Variants in MAPK10 observed in about 807,000 individuals in gnomAD.
The protein encoded by MAPK10 is mitogen-activated protein kinase 10.
Under a neutral mutation model 59.3 loss-of-function variants are expected in MAPK10, and 25 were observed. The observed-to-expected ratio is 0.42, with a 90% confidence interval of 0.31 to 0.59. MAPK10 has a LOEUF of 0.59. MAPK10 is among the 20% of genes least tolerant of loss of function. MAPK10 has a pLI of 0.15. For synonymous variants in MAPK10, 190 were observed against 200.5 expected (o/e 0.95, Z 0.44); for missense variants, 351 against 568.9 (o/e 0.62, Z 3.90).
chr4:86,576,830 C>G (rs1761939315), intron 1 of MAPK10, among the ~76,000 whole-genome samples: 1 of 151,530 alleles, frequency 6.6e-6, no homozygotes. Flanking sequence ...TGTCTGAACA[C>G]TAGACGAAGG....
chr4:86,548,389 C>T (rs978117341), intron 1 of MAPK10, among the ~76,000 whole-genome samples: 2 of 152,192 alleles, frequency 1.3e-5, no homozygotes, highest in African/African-American at 4.8e-5. Flanking sequence ...CCACGAGGGT[C>T]CACAGCTTCA....
At chr4:86,412,360 A>G (rs533115038) in intron 1 of MAPK10, among the ~76,000 whole-genome samples, 1 of 152,048 alleles carries the variant, frequency 6.6e-6, no homozygotes, top group Non-Finnish European at 1.5e-5. Flanking sequence ...ACGTTGGTGA[A>G]TCTGATGATT....
intron 1 of MAPK10, among the ~76,000 whole-genome samples, chr4:86,462,370 G>A (rs1369259591): frequency 6.6e-6 from 1 of 152,226 alleles, no homozygotes; most frequent in East Asian, 1.9e-4. Context: ...TCCTGATTGT[G>A]CTGTATGTGG....
At chr4:86,414,738 T>G (rs1458389465) in intron 1 of MAPK10, among the ~76,000 whole-genome samples, 1 of 152,168 alleles carries the variant, frequency 6.6e-6, no homozygotes, top group Non-Finnish European at 1.5e-5. Flanking sequence ...AGATATCTTT[T>G]GCTTTTAAGT....
At chr4:86,471,623 T>A (rs1752671082) in intron 1 of MAPK10, among the ~76,000 whole-genome samples, 1 of 152,234 alleles carries the variant, frequency 6.6e-6, no homozygotes, top group African/African-American at 2.4e-5. Context: ...ATCACTGTTG[T>A]TATGTATACC....
intron 9 of MAPK10, among the ~76,000 whole-genome samples, chr4:86,088,006 G>GT (rs1401360282): frequency 2.0e-5 from 3 of 152,092 alleles, no homozygotes; most frequent in African/African-American, 7.2e-5. Flanking sequence ...TTTTTGAAGT[G>GT]TTTTATTAAA....
At chr4:86,030,582 C>T (rs1426994185) in intron 12 of MAPK10, among the ~76,000 whole-genome samples, 4 of 152,144 alleles carry the variant, frequency 2.6e-5, no homozygotes, top group African/African-American at 4.8e-5. Flanking sequence ...ATCCCCCAGC[C>T]TCAGCCTCCC....
chr4:86,330,154 A>C (rs2096120278), intron 2 of MAPK10, among the ~76,000 whole-genome samples: 1 of 152,168 alleles, frequency 6.6e-6, no homozygotes, highest in African/African-American at 2.4e-5. Context: ...CAGAATAATC[A>C]ATGTCTTTCC....
intron 2 of MAPK10, among the ~76,000 whole-genome samples, chr4:86,217,064 T>C (rs993722778): frequency 6.6e-6 from 1 of 152,118 alleles, no homozygotes; most frequent in African/African-American, 2.4e-5. Flanking sequence ...CTTTCAAAAT[T>C]TATACATCTC....
intron 11 of MAPK10, among the ~76,000 whole-genome samples, chr4:86,053,701 T>C (rs1323820601): frequency 6.6e-6 from 1 of 152,204 alleles, no homozygotes; most frequent in Admixed American, 6.5e-5. Context: ...CCACAGTTTA[T>C]GGATTACATC....
rs1365805948 is a variant in MAPK10, at chr4:86,075,059, A to T, written c.803-7104T>A. Among the ~76,000 whole-genome samples the T allele has an allele frequency of 2.0e-5, 3 of 149,348 alleles. No individual in the cohort carries two copies. The South Asian group carries it at 6.4e-4, about 32-fold the overall frequency. On this transcript the variant is annotated intron_variant, in intron 9 of 13. Transcript: ENST00000641462. ...TCAGACCTAGATTTGGTCTTTTCAT[A>T]TAGTCCCATATTTCTTGGAGGCTTT...
At chr4:86,315,661 G>T (rs565441254) in intron 2 of MAPK10, among the ~76,000 whole-genome samples, 1 of 152,184 alleles carries the variant, frequency 6.6e-6, no homozygotes, top group East Asian at 1.9e-4. Context: ...TTAGCATCAA[G>T]AATATAGTAC....
In MAPK10 at chr4:86,036,430, TA is replaced by T. The variant is rs35218486; in HGVS notation, c.1111-5000del. Among the ~76,000 whole-genome samples the T allele has an allele frequency of 4.7e-3, 689 of 145,894 alleles. 31 individuals carry two copies. In the East Asian group the frequency reaches 0.11, roughly 22 times the overall value. Reference sequence around the variant, plus strand: ...CTCTCTCAAGTCTCTGAGAACTTGATAAAAAAAAAAACACTGTTCTCTATCT... The same window carrying T: ...CTCTCTCAAGTCTCTGAGAACTTGATAAAAAAAAAACACTGTTCTCTATCT... On this transcript the variant is annotated intron_variant, in intron 11 of 13. Coordinates refer to ENST00000641462, the MANE Select transcript of MAPK10 (RefSeq NM_138982.4).
In MAPK10 at chr4:86,591,310, A is replaced by T. The variant is rs140099706; in HGVS notation, c.-263+2600T>A. ...GTGGGATGGATTCTTTTTATATTGT[A>T]TTTTCAAATTGGTTATGATAATACA... On this transcript the variant is annotated intron_variant, in intron 1 of 4. Coordinates refer to the MAPK10 transcript ENST00000502302. 5.9e-5 allele frequency among the ~76,000 whole-genome samples: 9 copies of T among 152,030 alleles called. No individual in the cohort carries two copies. In the East Asian group the frequency reaches 1.7e-3, roughly 29 times the overall value.
At chr4:86,584,531 C>T (rs142823273) in intron 1 of MAPK10, among the ~76,000 whole-genome samples, 3 of 152,270 alleles carry the variant, frequency 2.0e-5, no homozygotes, top group Admixed American at 1.3e-4. Flanking sequence ...GAAGCCTCCA[C>T]CTTCCAGGCT....
At position 86,233,264 on chromosome 4, in the gene MAPK10, T is replaced by C. The variant is rs113503715; in HGVS notation, c.-6-38857A>G. Among the ~76,000 whole-genome samples the C allele has an allele frequency of 2.2e-4, 34 of 152,234 alleles. 1 individual carries two copies. The highest frequency in any genetic ancestry group is 7.2e-4 in the African/African-American group (30 of 41,556). On this transcript the variant is annotated intron_variant, in intron 2 of 13. Transcript: ENST00000641462. ...GATCAAAAACATACATTTATCTAGTTTGGGTTACACAGAAATCCATCTACA... is the reference window on the plus strand; with the variant it reads ...GATCAAAAACATACATTTATCTAGTCTGGGTTACACAGAAATCCATCTACA...
At chr4:86,198,958 T>C (rs17011458) in intron 2 of MAPK10, among the ~76,000 whole-genome samples, 12,910 of 151,866 alleles carry the variant, frequency 0.085, 1,221 homozygotes, top group African/African-American at 0.23. Flanking sequence ...CTCACAAATA[T>C]ATGCGTACCT....
chr4:86,154,917 G>T (rs1268622255), intron 4 of MAPK10, among the ~76,000 whole-genome samples: 1 of 151,998 alleles, frequency 6.6e-6, no homozygotes, highest in East Asian at 1.9e-4. Context: ...TTATCAGCAA[G>T]AAATATATAT....
intron 4 of MAPK10, among the ~76,000 whole-genome samples, chr4:86,121,374 A>G (rs2059218353): frequency 6.6e-6 from 1 of 152,276 alleles, no homozygotes; most frequent in Middle Eastern, 3.4e-3. Context: ...GGGCACTAAT[A>G]TCATTCATGA....
Sources: gnomAD v4.1 joint callset for allele counts (sites outside exome capture counted in the v4.1 genomes callset) on GRCh38, gnomAD v4.1.1 for gene constraint, MANE v1.5 for transcripts, NCBI Gene and HGNC (gene_info 2026-07-23, HGNC 2026-07-21) for gene names.